The following MPDZ variants were observed in gnomAD, a reference collection of about 807,000 sequenced individuals.
The protein encoded by MPDZ is multiple PDZ domain protein.
Under a neutral mutation model 239.1 loss-of-function variants are expected in MPDZ, and 234 were observed. The ratio of observed to expected loss-of-function variants is 0.98; its 90% CI spans 0.88 to 1.09. The LOEUF (loss-of-function observed/expected upper bound fraction) is 1.09. Ranked by LOEUF, MPDZ falls within the 50% of genes least tolerant of loss-of-function variation. MPDZ has a pLI of 0.00. For synonymous variants in MPDZ, 1,048 were observed against 881.3 expected, an observed-to-expected ratio of 1.19 and a Z score of -3.35; for missense variants, 3,175 against 2,510.0, an observed-to-expected ratio of 1.26 and a Z score of -5.66.
intron 12 of MPDZ, among the ~76,000 whole-genome samples, chr9:13,201,073 T>C (rs1587740451): frequency 6.6e-6 from 1 of 152,062 alleles, no homozygotes; most frequent in East Asian, 1.9e-4. Flanking sequence ...TTTTTTAATA[T>C]ATTTGGGTGC....
At chr9:13,150,796 A>G in intron 24 of MPDZ, 108 bp from the exon 25 acceptor site, 1 of 669,594 alleles carries the variant, frequency 1.5e-6, no homozygotes, top group Non-Finnish European at 2.1e-6. Flanking sequence ...AGGCACAGAG[A>G]ACAAAAGAAA....
Position 13,203,198 on chromosome 9 carries a change from A to C in MPDZ, c.1546+1838T>G, listed in dbSNP as rs181645400. Among the ~76,000 whole-genome samples the C allele has an allele frequency of 6.0e-3, 921 of 152,318 alleles. 16 individuals carry two copies. Among genetic ancestry groups the C allele is most frequent in the Non-Finnish European group, 8.7e-3 (594 of 68,032 alleles). ...AAAAGCAAATAAACAAATTCAGTAC[A>C]GAGAGAAATAAGTATGCAAGGATGA... On this transcript the variant is annotated intron_variant, in intron 12 of 46. Transcript: ENST00000319217.
chr9:13,196,554 A>G (rs1194705899), intron 12 of MPDZ, among the ~76,000 whole-genome samples: 1 of 152,146 alleles, frequency 6.6e-6, no homozygotes, highest in Non-Finnish European at 1.5e-5. Flanking sequence ...TGGTAATGCT[A>G]CAGTAAAAAG....
At chr9:13,183,267 T>C (rs1378446495) in intron 19 of MPDZ, 151 bp downstream of exon 19, 12 of 593,642 alleles carry the variant, frequency 2.0e-5, no homozygotes, top group Non-Finnish European at 3.3e-5. Flanking sequence ...ATTAGCTAAA[T>C]GAAATTGTAC....
intron 27 of MPDZ, chr9:13,141,084 T>C (rs1287209840): frequency 7.3e-6 from 1 of 137,032 alleles, no homozygotes; most frequent in Non-Finnish European, 1.5e-5. Flanking sequence ...CTTAGGGTCA[T>C]AGGTCCTATT....
At chr9:13,257,786 T>C (rs1000368335) in intron 1 of MPDZ, among the ~76,000 whole-genome samples, 4 of 152,204 alleles carry the variant, frequency 2.6e-5, no homozygotes, top group African/African-American at 9.6e-5. Context: ...GCTAGTTAAA[T>C]TTGAATTTCA....
Position 13,155,338 on chromosome 9 carries a change from G to A in MPDZ, c.3452+2680C>T, listed in dbSNP as rs1161177256. The stretch of plus-strand genomic sequence containing the variant: ...ATTCCACTTCTGGATATATTCCCTA[G>A]ATAAATTTTCATGTGTAAGTATAAA... On this transcript the variant is annotated intron_variant, in intron 24 of 46. Coordinates refer to ENST00000319217, the MANE Select transcript of MPDZ (RefSeq NM_001378778.1). Among the ~76,000 whole-genome samples the A allele has an allele frequency of 5.9e-5, 9 of 152,158 alleles. No individual in the cohort carries two copies. In the East Asian group the frequency reaches 1.7e-3, roughly 29 times the overall value.
rs746950147 is a variant in MPDZ at position 13,137,990 on chromosome 9, A to G, written c.4167T>C (p.Asp1389=). The part of the protein sequence containing the change: ...GIDPNGAAGK[D]GRLQIADELL... ...GCTCATCTGCAATTTGCAATCGACC[A>G]TCTTTTCCTGCAGCTCCATTTGGAT... The change falls in exon 29 of 47, where the codon GAT becomes GAC. Residue 1389 remains aspartate (D), a synonymous_variant. Coordinates refer to ENST00000319217, the MANE Select transcript of MPDZ (RefSeq NM_001378778.1). 27 of 1,613,840 alleles carry G rather than the reference A, an allele frequency of 1.7e-5. No individual in the cohort carries two copies. The highest frequency in any genetic ancestry group is 2.2e-5 in the Non-Finnish European group (26 of 1,179,794).
chr9:13,108,440 C>T (rs1941851077), intron 46 of MPDZ, among the ~76,000 whole-genome samples: 2 of 151,984 alleles, frequency 1.3e-5, no homozygotes, highest in African/African-American at 4.8e-5. Flanking sequence ...GCTGGATACT[C>T]CCTACATTTT....
intron 21 of MPDZ, among the ~76,000 whole-genome samples, chr9:13,169,847 G>A (rs999683335): frequency 5.9e-5 from 9 of 152,012 alleles, no homozygotes; most frequent in African/African-American, 9.7e-5. Flanking sequence ...AATGCATCTC[G>A]TCTCTGTCCG....
chr9:13,218,934 C>T lies in MPDZ; in HGVS notation c.1086+625G>A, dbSNP rs2225485. ...ATATCAAGTTGACAAGGATGGAATG[C>T]TATGCATATGAATAAAGTTTTTGTT... is the stretch of plus-strand genomic sequence containing the variant. On this transcript the variant is annotated intron_variant, in intron 8 of 46. Coordinates refer to ENST00000319217, the MANE Select transcript of MPDZ (RefSeq NM_001378778.1). Among the ~76,000 whole-genome samples, 789 of 151,920 alleles carry T rather than the reference C, an allele frequency of 5.2e-3. 2 individuals are homozygous for T. The highest frequency in any genetic ancestry group is 0.017 in the African/African-American group (722 of 41,502).
At chr9:13,276,784 A>T (rs948291004) in intron 1 of MPDZ, 1 of 152,228 alleles carries the variant, frequency 6.6e-6, no homozygotes, top group African/African-American at 2.4e-5. Context: ...GAGAGAGACA[A>T]GACTATGTCA....
intron 30 of MPDZ, among the ~76,000 whole-genome samples, chr9:13,136,507 T>C (rs1172611790): frequency 6.6e-6 from 1 of 151,570 alleles, no homozygotes; most frequent in Non-Finnish European, 1.5e-5. Context: ...AATTTTTTTT[T>C]AGTAGAGACG....
At chr9:13,216,728 C>A in intron 10 of MPDZ, 46 bp downstream of exon 10, 1 of 1,401,148 alleles carries the variant, frequency 7.1e-7, no homozygotes, top group South Asian at 1.2e-5. Context: ...GAATACAATT[C>A]TCAACCATGA....
At chr9:13,139,125 C>G (rs1056402877) in intron 28 of MPDZ, among the ~76,000 whole-genome samples, 1 of 152,144 alleles carries the variant, frequency 6.6e-6, no homozygotes, top group Non-Finnish European at 1.5e-5. Context: ...GCTAATGGGC[C>G]AATGCCATGC....
At chr9:13,148,459 C>T (rs1042561663) in intron 25 of MPDZ, among the ~76,000 whole-genome samples, 1 of 151,954 alleles carries the variant, frequency 6.6e-6, no homozygotes, top group Non-Finnish European at 1.5e-5. Context: ...AGAGTGGACA[C>T]AACTCTAGAA....
At chr9:13,273,294 A>G (rs1330136) in intron 1 of MPDZ, among the ~76,000 whole-genome samples, 8,833 of 152,236 alleles carry the variant, frequency 0.058, 578 homozygotes, top group East Asian at 0.19. Flanking sequence ...ATATATCGGA[A>G]AGGAGTTTTT....
chr9:13,119,966 C>A (rs1023562697), intron 38 of MPDZ: 3 of 312,530 alleles, frequency 9.6e-6, no homozygotes, highest in African/African-American at 2.2e-5. Context: ...AAAAGTAAGA[C>A]TTAAGAGTCA....
At chr9:13,236,086 C>T (rs77268208) in intron 3 of MPDZ, among the ~76,000 whole-genome samples, 18,545 of 149,662 alleles carry the variant, frequency 0.12, 1,648 homozygotes, top group Middle Eastern at 0.22. Flanking sequence ...TTCAAACCTG[C>T]AAAGATCTTA....
Sources: allele counts gnomAD v4.1 joint callset (sites outside exome capture counted in the v4.1 genomes callset), GRCh38; gene constraint gnomAD v4.1.1; transcripts MANE v1.5; gene names NCBI Gene and HGNC (gene_info 2026-07-23, HGNC 2026-07-21).